Variants in TC2N observed in about 807,000 individuals in gnomAD.
The protein encoded by TC2N is tandem C2 domains, nuclear.
A neutral mutation model predicts 61.9 loss-of-function variants in TC2N; 51 were observed. That is an observed-to-expected ratio of 0.82 (90% CI 0.66 to 1.04). The LOEUF (loss-of-function observed/expected upper bound fraction) is 1.04. Among genes scored for constraint, TC2N ranks in the 50% least tolerant of loss-of-function variants. TC2N has a pLI of 0.00. For missense variants in TC2N, 556 were observed against 566.7 expected (o/e 0.98, Z 0.19); for synonymous variants, 204 against 192.6 (o/e 1.06, Z -0.49).
rs1885134902 is a variant in TC2N, at chr14:91,781,585, A to G, written c.*1515T>C. 6.6e-6 allele frequency: 1 copy of G among 152,172 alleles called. No homozygotes were observed. The highest frequency in any genetic ancestry group is 2.4e-5 in the African/African-American group (1 of 41,472). The allele number at this position is 152,172 out of a possible 1,614,324, so 9.4% of individuals were successfully genotyped here. ...AGTCTATTTTTAAAAACAATTTTTA[A>G]AAGTTGTATTCGTCTCAGATTCAAA... On this transcript the variant is annotated 3_prime_UTR_variant, in exon 12 of 12. Transcript: ENST00000435962.
In TC2N at chr14:91,804,237, G is replaced by T. The variant is rs143352425; in HGVS notation, c.302-1816C>A. ...GAATGTAAACGATCATACTCTGCTA[G>T]TGGAAATGTAAATTGATATAATCAC... On this transcript the variant is annotated intron_variant, in intron 3 of 11. Transcript: ENST00000435962. Among the ~76,000 whole-genome samples the T allele has an allele frequency of 5.2e-3, 796 of 152,326 alleles. 2 individuals are homozygous for T. Among genetic ancestry groups the T allele is most frequent in the Non-Finnish European group, 8.7e-3 (590 of 68,024 alleles).
intron 9 of TC2N, among the ~76,000 whole-genome samples, chr14:91,789,590 GAC>G (rs1885544104): frequency 6.8e-6 from 1 of 147,568 alleles, no homozygotes; most frequent in African/African-American, 2.5e-5. Context: ...CAGCCTGGGC[GAC>G]AGAGAGAGAC....
chr14:91,805,678 T>G (rs1283747728), intron 3 of TC2N, among the ~76,000 whole-genome samples: 1 of 152,026 alleles, frequency 6.6e-6, no homozygotes, highest in Non-Finnish European at 1.5e-5. Context: ...AAAAAAAAGT[T>G]TATACAGTAA....
intron 1 of TC2N, among the ~76,000 whole-genome samples, chr14:91,836,938 C>G (rs1595270268): frequency 6.6e-6 from 1 of 152,194 alleles, no homozygotes; most frequent in Admixed American, 6.5e-5. Flanking sequence ...CATGTTGTTA[C>G]TTGACTTTTA....
At chr14:91,826,903 T>C (rs149300798) in intron 1 of TC2N, among the ~76,000 whole-genome samples, 1 of 152,346 alleles carries the variant, frequency 6.6e-6, no homozygotes, top group Admixed American at 6.5e-5. Context: ...AAAGCATTTG[T>C]ATGGAATATC....
At chr14:91,818,342 A>G (rs1318699041) in intron 1 of TC2N, among the ~76,000 whole-genome samples, 1 of 152,168 alleles carries the variant, frequency 6.6e-6, no homozygotes, top group Non-Finnish European at 1.5e-5. Flanking sequence ...CAAAAACTAT[A>G]CATAACTGGT....
intron 1 of TC2N, among the ~76,000 whole-genome samples, chr14:91,829,536 C>T (rs1036087514): frequency 7.2e-5 from 11 of 151,976 alleles, no homozygotes; most frequent in African/African-American, 1.2e-4. Context: ...GTTCTTTTTT[C>T]AACCTGCTGT....
intron 3 of TC2N, among the ~76,000 whole-genome samples, chr14:91,804,728 G>T (rs1886427954): frequency 6.6e-6 from 1 of 152,044 alleles, no homozygotes; most frequent in African/African-American, 2.4e-5. Flanking sequence ...AATATTCAGG[G>T]ATATGAGCTT....
chr14:91,863,626 A>C (rs1888636995), intron 1 of TC2N, among the ~76,000 whole-genome samples: 1 of 152,114 alleles, frequency 6.6e-6, no homozygotes, highest in East Asian at 1.9e-4. Context: ...TGGGTTCAGC[A>C]GAAAAGAATG....
chr14:91,792,150 A>G (rs1198076481), intron 9 of TC2N, among the ~76,000 whole-genome samples: 2 of 152,092 alleles, frequency 1.3e-5, no homozygotes, highest in Admixed American at 6.5e-5. Context: ...ATGTGCTAGG[A>G]GAAGGTAACC....
At chr14:91,842,021 C>T (rs988185394) in intron 1 of TC2N, among the ~76,000 whole-genome samples, 7 of 135,212 alleles carry the variant, frequency 5.2e-5, no homozygotes, top group African/African-American at 1.4e-4. Context: ...TGCAGTGGTG[C>T]GATCATGGCT....
intron 1 of TC2N, chr14:91,836,644 G>T (rs1489815155): frequency 4.0e-5 from 6 of 151,388 alleles, no homozygotes; most frequent in Non-Finnish European, 5.9e-5. Context: ...GCAGGGCGGG[G>T]AGTGGAGTGG....
chr14:91,854,554 A>G (rs1227075890), intron 1 of TC2N, among the ~76,000 whole-genome samples: 1 of 151,670 alleles, frequency 6.6e-6, no homozygotes. Context: ...AACATAAGAG[A>G]TTCCTATTTG....
In TC2N at chr14:91,813,705, T is replaced by C; in HGVS notation, c.65A>G (p.Asn22Ser). The part of the protein sequence containing the change: ...GCFYGETEKH[N>S]FSVERDFKAA... ...ACTGAAGTCAAAATAAAACTCACAGTTGTGTTTTTCTGTTTCACCATAGAA... is the reference window on the plus strand; with the variant it reads ...ACTGAAGTCAAAATAAAACTCACAGCTGTGTTTTTCTGTTTCACCATAGAA... The change falls in exon 2 of 12, where the codon AAC (asparagine) becomes AGC (serine). Residue 22 changes from asparagine (N) to serine (S), a missense_variant and splice_region_variant. Coordinates refer to ENST00000435962, the MANE Select transcript of TC2N (RefSeq NM_001128596.3). The C allele has an allele frequency of 1.3e-6, 2 of 1,598,928 alleles. No homozygotes were observed. Among genetic ancestry groups the C allele is most frequent in the South Asian group, 1.1e-5 (1 of 90,220 alleles).
At chr14:91,836,646 G>C (rs1448211654) in intron 1 of TC2N, 1 of 18,854 alleles carries the variant, frequency 5.3e-5, no homozygotes, top group Non-Finnish European at 1.8e-4. Context: ...AGGGCGGGGA[G>C]TGGAGTGGCG....
intron 3 of TC2N, among the ~76,000 whole-genome samples, chr14:91,811,466 T>C (rs1886764861): frequency 6.6e-6 from 1 of 151,988 alleles, no homozygotes; most frequent in Admixed American, 6.6e-5. Context: ...CAAATTGTTT[T>C]TTAAAAAAAC....
chr14:91,832,686 G>C (rs1489684173), intron 1 of TC2N, among the ~76,000 whole-genome samples: 1 of 151,958 alleles, frequency 6.6e-6, no homozygotes, highest in Non-Finnish European at 1.5e-5. Context: ...AAAACAATCC[G>C]GTGTTTTCCA....
intron 1 of TC2N, among the ~76,000 whole-genome samples, chr14:91,822,939 TC>T (rs1887323095): frequency 6.6e-6 from 1 of 151,484 alleles, no homozygotes; most frequent in South Asian, 2.1e-4. Context: ...ATGGTCTCGA[TC>T]TCCTGACCTC....
intron 1 of TC2N, among the ~76,000 whole-genome samples, chr14:91,827,040 G>A (rs1472665536): frequency 6.6e-6 from 1 of 152,118 alleles, no homozygotes; most frequent in Non-Finnish European, 1.5e-5. Flanking sequence ...TCTTTTGACT[G>A]TAATATTTAT....
Sources: allele counts gnomAD v4.1 joint callset (sites outside exome capture counted in the v4.1 genomes callset), GRCh38; gene constraint gnomAD v4.1.1; transcripts MANE v1.5; gene names NCBI Gene and HGNC (gene_info 2026-07-23, HGNC 2026-07-21).